Variants in PALS2 observed in about 807,000 individuals in gnomAD.
The protein encoded by PALS2 is protein PALS2.
In PALS2, 27 loss-of-function variants were observed where a neutral mutation model predicts 61.6. That is an observed-to-expected ratio of 0.44 (90% CI 0.32 to 0.60). The LOEUF is 0.60. Among genes scored for constraint, PALS2 ranks in the 20% least tolerant of loss-of-function variants. The pLI, the probability that PALS2 is intolerant of heterozygous loss-of-function variation, is 0.05. For synonymous variants in PALS2, 236 were observed against 218.6 expected (o/e 1.08, Z -0.70); for missense variants, 554 against 639.4 (o/e 0.87, Z 1.44).
Position 24,641,872 on chromosome 7 carries a change from A to G in PALS2, c.270+4A>G. On this transcript the variant is annotated splice_donor_region_variant and intron_variant, in intron 3 of 11. Transcript: ENST00000222644. ...ACTCAAAGAACCTCACTTCCAGGTA[A>G]CTTTCCCTATCACTCAACTCTCAAG... 1 of 1,611,152 alleles carries G rather than the reference A, an allele frequency of 6.2e-7. No individual in the cohort carries two copies. Among genetic ancestry groups the G allele is most frequent in the South Asian group, 1.1e-5 (1 of 90,412 alleles).
intron 2 of PALS2, among the ~76,000 whole-genome samples, chr7:24,635,477 C>T (rs1409817149): frequency 4.6e-5 from 7 of 152,036 alleles, no homozygotes; most frequent in Non-Finnish European, 2.9e-5. Flanking sequence ...TTTCTAAATA[C>T]AAGGTCATGT....
chr7:24,637,059 G>GT (rs1785272738), intron 2 of PALS2, among the ~76,000 whole-genome samples: 2 of 151,972 alleles, frequency 1.3e-5, no homozygotes, highest in Non-Finnish European at 2.9e-5. Flanking sequence ...TTAAAATGTT[G>GT]TTTTTTCTTT....
At chr7:24,622,414 T>C (rs1390185609) in intron 1 of PALS2, among the ~76,000 whole-genome samples, 1 of 151,952 alleles carries the variant, frequency 6.6e-6, no homozygotes, top group Non-Finnish European at 1.5e-5. Context: ...CAGTATTTTA[T>C]TGTCTTTGAT....
intron 1 of PALS2, among the ~76,000 whole-genome samples, chr7:24,595,621 A>C (rs1265604086): frequency 7.2e-6 from 1 of 138,362 alleles, no homozygotes; most frequent in Non-Finnish European, 1.6e-5. Context: ...ACTGTGTGTC[A>C]AGCACTGTCC....
chr7:24,643,805 A>G (rs908458541), intron 3 of PALS2, among the ~76,000 whole-genome samples: 23 of 152,268 alleles, frequency 1.5e-4, no homozygotes, highest in African/African-American at 5.5e-4. Context: ...AGTTCTATCT[A>G]AAAAGTTGAT....
In PALS2 at chr7:24,684,203, G is replaced by T. The variant is rs554452167; in HGVS notation, c.1447-3235G>T. Among the ~76,000 whole-genome samples the T allele has an allele frequency of 6.2e-4, 95 of 152,052 alleles. No individual in the cohort carries two copies. The South Asian group carries it at 0.011, about 17-fold the overall frequency. ...CAACCTCTGCCTCCCAGGTTCAAGC[G>T]ATTCTCCTGCCTCAGCCTCCCAAGT... On this transcript the variant is annotated intron_variant, in intron 11 of 11. Coordinates refer to ENST00000222644, the MANE Select transcript of PALS2 (RefSeq NM_001303037.2).
chr7:24,662,171 A>G (rs957420573), intron 5 of PALS2, among the ~76,000 whole-genome samples: 1 of 152,220 alleles, frequency 6.6e-6, no homozygotes, highest in Non-Finnish European at 1.5e-5. Flanking sequence ...AATGCTTTCT[A>G]TGAAAATCAT....
chr7:24,674,986 G>A (rs916672507), intron 9 of PALS2, among the ~76,000 whole-genome samples: 9 of 152,220 alleles, frequency 5.9e-5, no homozygotes, highest in African/African-American at 1.4e-4. Flanking sequence ...ATGTAGTTGC[G>A]CAGTATAGAA....
At position 24,687,409 on chromosome 7, in the gene PALS2, A is replaced by C; in HGVS notation, c.1447-29A>C. On this transcript the variant is annotated intron_variant, in intron 11 of 11. Coordinates refer to ENST00000222644, the MANE Select transcript of PALS2 (RefSeq NM_001303037.2). The surrounding 1 kb of genome is among the most constrained non-coding windows in gnomAD (Gnocchi z 4.5). ...AGCAAGTAAATATGCATTGTAATACAAACATTTCCTTTTAAAACTCTTCAA... is the reference window on the plus strand; with the variant it reads ...AGCAAGTAAATATGCATTGTAATACCAACATTTCCTTTTAAAACTCTTCAA... 6.3e-7 allele frequency: 1 copy of C among 1,579,588 alleles called. No homozygotes were observed. The highest frequency in any genetic ancestry group is 8.6e-7 in the Non-Finnish European group (1 of 1,159,650).
Position 24,624,606 on chromosome 7 carries a change from T to TTC in PALS2, c.117+823_117+824insCT, listed in dbSNP as rs1491183236. Among the ~76,000 whole-genome samples, 9 of 64,654 alleles carry TTC rather than the reference T, an allele frequency of 1.4e-4. No homozygotes were observed. In the East Asian group the frequency reaches 5.0e-3, roughly 36 times the overall value. The allele number at this position is 64,654 out of a possible 152,430, so 42.4% of individuals were successfully genotyped here. ...AGTGAATTAATGATGCAGATTCTTCTTTTTTTTTTTTTTTTTTTGAGAGGA... is the reference window on the plus strand; with the variant it reads ...AGTGAATTAATGATGCAGATTCTTCTTCTTTTTTTTTTTTTTTTTTGAGAGGA... On this transcript the variant is annotated intron_variant, in intron 2 of 11. Transcript: ENST00000222644.
chr7:24,576,892 A>G (rs1782661044), intron 1 of PALS2, among the ~76,000 whole-genome samples: 1 of 152,196 alleles, frequency 6.6e-6, no homozygotes, highest in Non-Finnish European at 1.5e-5. Flanking sequence ...AGTCATATAG[A>G]TAAGATTAAA....
chr7:24,639,035 G>C (rs1424499575), intron 2 of PALS2, among the ~76,000 whole-genome samples: 2 of 152,162 alleles, frequency 1.3e-5, no homozygotes, highest in South Asian at 4.1e-4. Context: ...GTGGTATTCT[G>C]AACCATAGAA....
chr7:24,600,452 G>T lies in PALS2; in HGVS notation c.-2-23214G>T, dbSNP rs796330778. On this transcript the variant is annotated intron_variant, in intron 1 of 11. Coordinates refer to ENST00000222644, the MANE Select transcript of PALS2 (RefSeq NM_001303037.2). ...GAATCAAGGACAAAGAAGAAAAAAG[G>T]TTTGTTATTTTAAGTATAACATATA... 5.3e-5 allele frequency among the ~76,000 whole-genome samples: 8 copies of T among 152,160 alleles called. No homozygotes were observed. The South Asian group carries it at 6.2e-4, about 12-fold the overall frequency.
At position 24,687,759 on chromosome 7, in the gene PALS2, C is replaced by G. The variant is rs539214241; in HGVS notation, c.*145C>G. Reference sequence around the variant, plus strand: ...TGGTGTAGATTGAAATAATAGTACACTTCTGAATTTTTATATAAAATGTGG... The same window carrying G: ...TGGTGTAGATTGAAATAATAGTACAGTTCTGAATTTTTATATAAAATGTGG... On this transcript the variant is annotated 3_prime_UTR_variant, in exon 12 of 12. Coordinates refer to ENST00000222644, the MANE Select transcript of PALS2 (RefSeq NM_001303037.2). The surrounding 1 kb of genome is among the most constrained non-coding windows in gnomAD (Gnocchi z 4.5). 3 of 684,402 alleles carry G rather than the reference C, an allele frequency of 4.4e-6. No homozygotes were observed. The highest frequency in any genetic ancestry group is 3.8e-5 in the African/African-American group (2 of 52,900). The allele number at this position is 684,402 out of a possible 1,614,324, so 42.4% of individuals were successfully genotyped here. A position where few individuals can be genotyped will look rare whatever the true frequency, so the allele number is the denominator to read the frequency against.
At chr7:24,624,164 C>A in intron 2 of PALS2, 1 of 1,257,384 alleles carries the variant, frequency 8.0e-7, no homozygotes, top group Non-Finnish European at 1.0e-6. Context: ...CATGTAAGTT[C>A]TTGACTTCCT....
chr7:24,604,454 A>G (rs1156768360), intron 1 of PALS2, among the ~76,000 whole-genome samples: 1 of 152,146 alleles, frequency 6.6e-6, no homozygotes, highest in Non-Finnish European at 1.5e-5. Flanking sequence ...AAGAAAAGAG[A>G]TTTGTAAGAA....
In PALS2 at chr7:24,573,793, T is replaced by TA. The variant is rs1554297377; in HGVS notation, c.-3+200_-3+201insA. Among the ~76,000 whole-genome samples, 2 of 147,802 alleles carry TA rather than the reference T, an allele frequency of 1.4e-5. No homozygotes were observed. Among genetic ancestry groups the TA allele is most frequent in the Non-Finnish European group, 1.5e-5 (1 of 66,322 alleles). ...GCGGCGCCGCGGTCGGGGAGGCTGC[T>TA]GGCCGCCCCCAGCCCGGCCCGCGCG... On this transcript the variant is annotated intron_variant, in intron 1 of 11. Transcript: ENST00000222644. This position sits in a 1 kb window ranked among gnomAD's most constrained non-coding sequence, Gnocchi z 5.3.
chr7:24,654,718 A>T (rs909484178), intron 5 of PALS2, among the ~76,000 whole-genome samples: 1 of 152,330 alleles, frequency 6.6e-6, no homozygotes, highest in South Asian at 2.1e-4. Flanking sequence ...AGGGTTTTCC[A>T]TGGAATTTGA....
intron 11 of PALS2, among the ~76,000 whole-genome samples, chr7:24,683,371 A>G (rs1438150617): frequency 6.6e-6 from 1 of 152,218 alleles, no homozygotes; most frequent in Non-Finnish European, 1.5e-5. Flanking sequence ...ACAGGTGACC[A>G]GCTGAGATTG....
Sources: allele counts gnomAD v4.1 joint callset (sites outside exome capture counted in the v4.1 genomes callset), GRCh38; gene constraint gnomAD v4.1.1; non-coding constraint Gnocchi (gnomAD v3.1); transcripts MANE v1.5; gene names NCBI Gene and HGNC (gene_info 2026-07-23, HGNC 2026-07-21).